The following PRKG1 variants were observed in gnomAD, a reference collection of about 807,000 sequenced individuals.
The protein encoded by PRKG1 is cGMP-dependent protein kinase 1.
In PRKG1, 35 loss-of-function variants were observed where a neutral mutation model predicts 88.1. The observed-to-expected ratio is 0.40, with a 90% CI of 0.30 to 0.53. PRKG1 has a LOEUF of 0.53. Ranked by LOEUF, PRKG1 falls within the 20% of genes least tolerant of loss-of-function variation. The pLI is 0.59. For synonymous variants in PRKG1, 303 were observed against 292.5 expected, an observed-to-expected ratio of 1.04 and a Z score of -0.37; for missense variants, 540 against 839.8, an observed-to-expected ratio of 0.64 and a Z score of 4.41.
At chr10:52,209,545 A>G (rs1291420168) in intron 9 of PRKG1, among the ~76,000 whole-genome samples, 1 of 152,156 alleles carries the variant, frequency 6.6e-6, no homozygotes, top group Non-Finnish European at 1.5e-5. Context: ...TGAAGAGGAG[A>G]GTACTGAGAA....
At chr10:51,546,411 T>A (rs1225048504) in intron 3 of PRKG1, among the ~76,000 whole-genome samples, 1 of 152,116 alleles carries the variant, frequency 6.6e-6, no homozygotes, top group Non-Finnish European at 1.5e-5. Flanking sequence ...TATTAATTCT[T>A]ACCAGAAAAC....
intron 2 of PRKG1, among the ~76,000 whole-genome samples, chr10:51,438,015 T>A (rs1838987225): frequency 6.6e-6 from 1 of 151,774 alleles, no homozygotes; most frequent in African/African-American, 2.4e-5. Flanking sequence ...GCCAACAGTA[T>A]TGGCCTCCTT....
intron 2 of PRKG1, among the ~76,000 whole-genome samples, chr10:51,251,940 G>C (rs1455027981): frequency 6.6e-6 from 1 of 151,820 alleles, no homozygotes; most frequent in Non-Finnish European, 1.5e-5. Context: ...ACTGCTGCTA[G>C]TAATAAATGA....
At chr10:51,458,882 A>T (rs183405444) in intron 2 of PRKG1, among the ~76,000 whole-genome samples, 47 of 152,262 alleles carry the variant, frequency 3.1e-4, no homozygotes, top group Admixed American at 9.2e-4. Context: ...AGGAGGAATG[A>T]CTGCAACACT....
intron 2 of PRKG1, among the ~76,000 whole-genome samples, chr10:51,391,075 G>T (rs1371168506): frequency 6.6e-6 from 1 of 152,188 alleles, no homozygotes; most frequent in Non-Finnish European, 1.5e-5. Context: ...GGGAGAGGCT[G>T]TCCAAGATTG....
chr10:51,804,778 T>A, intron 4 of PRKG1, 88 bp downstream of exon 4: 1 of 888,838 alleles, frequency 1.1e-6, no homozygotes, highest in Non-Finnish European at 1.8e-6. Context: ...TTCAGGGTGC[T>A]TTTTGCCTTT....
chr10:51,796,588 G>T (rs1490148522), intron 3 of PRKG1, among the ~76,000 whole-genome samples: 1 of 152,032 alleles, frequency 6.6e-6, no homozygotes, highest in African/African-American at 2.4e-5. Context: ...GAAGGGTCTG[G>T]AAAGGGAAAA....
chr10:51,034,155 G>T (rs1843322118), intron 1 of PRKG1, among the ~76,000 whole-genome samples: 2 of 152,120 alleles, frequency 1.3e-5, no homozygotes, highest in African/African-American at 4.8e-5. Context: ...TAGGTGGCAA[G>T]CACTCTTCAT....
At chr10:51,392,626 C>G (rs556205618) in intron 2 of PRKG1, among the ~76,000 whole-genome samples, 1 of 151,458 alleles carries the variant, frequency 6.6e-6, no homozygotes, top group Non-Finnish European at 1.5e-5. Flanking sequence ...CATCATGGCG[C>G]GTTCTCAATG....
intron 2 of PRKG1, among the ~76,000 whole-genome samples, chr10:51,412,193 GAGAGAGAGAGAGAGAGAGAGAAAGAA>G (rs1270559002): frequency 3.0e-5 from 3 of 98,540 alleles, no homozygotes; most frequent in African/African-American, 1.2e-4. Context: ...GAGAGAGAGA[GAGAGAGAGAGAGAGAGAGAGAAAGAA>G]AGAGAGAAAG....
chr10:50,991,789 G>T lies in PRKG1; in HGVS notation c.266+145G>T. 1 of 515,126 alleles carries T rather than the reference G, an allele frequency of 1.9e-6. No homozygotes were observed. The highest frequency in any genetic ancestry group is 2.5e-6 in the Non-Finnish European group (1 of 396,156). The allele number at this position is 515,126 out of a possible 1,614,324, so 31.9% of individuals were successfully genotyped here. On this transcript the variant is annotated intron_variant, in intron 1 of 17. Coordinates refer to the PRKG1 transcript ENST00000401604. This position sits in a 1 kb window ranked among gnomAD's most constrained non-coding sequence, Gnocchi z 4.5. ...CGGAGTGGGGGTGGCCCCGCGGCCC[G>T]GGAATGGGAAGTGTTTATTTTTATT...
intron 2 of PRKG1, among the ~76,000 whole-genome samples, chr10:51,411,541 G>A (rs1004665862): frequency 1.1e-4 from 16 of 152,160 alleles, no homozygotes; most frequent in Non-Finnish European, 1.9e-4. Flanking sequence ...GGGGGACGAG[G>A]TGGAGAGTAA....
At chr10:51,896,965 C>T (rs1043558845) in intron 4 of PRKG1, among the ~76,000 whole-genome samples, 4 of 152,034 alleles carry the variant, frequency 2.6e-5, no homozygotes, top group Admixed American at 1.3e-4. Flanking sequence ...GTGGCCATTG[C>T]GTGATAAGGG....
intron 5 of PRKG1, among the ~76,000 whole-genome samples, chr10:51,929,513 G>T (rs149657394): frequency 0.021 from 3,170 of 151,888 alleles, 111 homozygotes; most frequent in African/African-American, 0.073. Context: ...ACCATGCCTG[G>T]CTAATTTTTG....
At chr10:51,855,192 T>C (rs1840649341) in intron 4 of PRKG1, among the ~76,000 whole-genome samples, 1 of 152,326 alleles carries the variant, frequency 6.6e-6, no homozygotes, top group East Asian at 1.9e-4. Context: ...AGGATCCTGC[T>C]GTACTCTCTA....
chr10:51,474,417 T>C (rs7086422), intron 3 of PRKG1, among the ~76,000 whole-genome samples: 4 of 151,830 alleles, frequency 2.6e-5, no homozygotes, highest in African/African-American at 9.7e-5. Context: ...ATATTAGCAC[T>C]TGGACCCATG....
At chr10:52,270,038 G>A (rs148196354) in intron 10 of PRKG1, among the ~76,000 whole-genome samples, 65 of 152,090 alleles carry the variant, frequency 4.3e-4, no homozygotes, top group African/African-American at 1.5e-3. Flanking sequence ...AAAAACAAAC[G>A]GTTTTCAAAA....
At chr10:52,066,705 A>G (rs764920335) in intron 7 of PRKG1, among the ~76,000 whole-genome samples, 1 of 152,216 alleles carries the variant, frequency 6.6e-6, no homozygotes, top group Non-Finnish European at 1.5e-5. Flanking sequence ...CTGCTCTGTA[A>G]GAATGTAACC....
chr10:52,227,643 A>G (rs977661407), intron 9 of PRKG1, among the ~76,000 whole-genome samples: 2 of 152,256 alleles, frequency 1.3e-5, no homozygotes, highest in African/African-American at 2.4e-5. Flanking sequence ...CATGATTACC[A>G]AGGGATGACT....
Sources: allele counts gnomAD v4.1 joint callset (sites outside exome capture counted in the v4.1 genomes callset), GRCh38; gene constraint gnomAD v4.1.1; non-coding constraint Gnocchi (gnomAD v3.1); transcripts MANE v1.5; gene names NCBI Gene and HGNC (gene_info 2026-07-23, HGNC 2026-07-21).